Variants in XRCC6 observed in about 807,000 individuals in gnomAD.
The protein encoded by XRCC6 is DNA repair protein Ku70.
Under a neutral mutation model 65.7 loss-of-function variants are expected in XRCC6, and 5 were observed. That is an observed-to-expected ratio of 0.08 (90% CI 0.04 to 0.16). The LOEUF (loss-of-function observed/expected upper bound fraction) is 0.16, where lower values mean the gene tolerates loss of function less well. Among genes scored for constraint, XRCC6 ranks in the 10% least tolerant of loss-of-function variants. XRCC6 has a pLI of 1.00. For synonymous variants in XRCC6, 270 were observed against 270.6 expected, an observed-to-expected ratio of 1.00 and a Z score of 0.02; for missense variants, 447 against 738.1, an observed-to-expected ratio of 0.61 and a Z score of 4.57.
At chr22:41,649,137 AAAATATATATAT>A (rs1266732935) in intron 7 of XRCC6, among the ~76,000 whole-genome samples, 2 of 92,892 alleles carry the variant, frequency 2.2e-5, no homozygotes, top group South Asian at 4.1e-4. Context: ...AAAAAAAAAA[AAAATATATATAT>A]ATATATATAT....
chr22:41,640,697 C>T (rs970583534), intron 6 of XRCC6, among the ~76,000 whole-genome samples: 1 of 152,178 alleles, frequency 6.6e-6, no homozygotes, highest in South Asian at 2.1e-4. Context: ...TGTCATTGTT[C>T]TCCTTTTCCT....
chr22:41,624,953 C>T (rs542044058), intron 2 of XRCC6, among the ~76,000 whole-genome samples: 3 of 152,006 alleles, frequency 2.0e-5, no homozygotes, highest in East Asian at 3.9e-4. Context: ...GCCGAGATTG[C>T]GCCACTGCTC....
intron 2 of XRCC6, among the ~76,000 whole-genome samples, chr22:41,623,580 G>A (rs995334403): frequency 2.0e-5 from 3 of 151,944 alleles, no homozygotes; most frequent in Non-Finnish European, 1.5e-5. Context: ...GTAGAGACGG[G>A]GTTTCACTGT....
intron 1 of XRCC6, chr22:41,621,628 AG>A (rs1261437064): frequency 5.2e-6 from 1 of 192,268 alleles, no homozygotes; most frequent in African/African-American, 2.4e-5. Context: ...GGCGTGATTG[AG>A]GAATTTGGGG....
At chr22:41,627,246 T>G (rs547416957) in intron 2 of XRCC6, among the ~76,000 whole-genome samples, 1 of 152,070 alleles carries the variant, frequency 6.6e-6, no homozygotes, top group South Asian at 2.1e-4. Flanking sequence ...AAATGTAGGT[T>G]TGGGTGATAA....
chr22:41,635,968 C>A, intron 3 of XRCC6, 145 bp from the exon 4 acceptor site: 3 of 615,224 alleles, frequency 4.9e-6, no homozygotes, highest in Non-Finnish European at 7.9e-6. Flanking sequence ...TTCACTGATT[C>A]ATTACCCCTG....
intron 2 of XRCC6, 103 bp downstream of exon 2, chr22:41,622,189 C>T (rs1275671382): frequency 8.5e-7 from 1 of 1,182,132 alleles, no homozygotes; most frequent in Admixed American, 2.1e-5. Flanking sequence ...TGCCCTTCTC[C>T]TCCCAGATAA....
Position 41,656,967 on chromosome 22 carries a change from C to A in XRCC6, c.1356C>A (p.Ile452=). 1 of 1,612,420 alleles carries A rather than the reference C, an allele frequency of 6.2e-7. No individual in the cohort carries two copies. The highest frequency in any genetic ancestry group is 1.1e-5 in the South Asian group (1 of 90,718). The stretch of plus-strand genomic sequence containing the variant: ...GGAAGATGCCCTTTACTGAAAAAAT[C>A]ATGGCAACTCCAGAGCAGGTGGGCA... ...DKRKMPFTEK[I]MATPEQVGKM... is the part of the protein sequence containing the mutation. Residue 452 remains isoleucine, a synonymous_variant, in exon 10 of 13, where the codon ATC becomes ATA. Transcript: ENST00000360079.
At chr22:41,656,817 G>A (rs2068049327) in intron 9 of XRCC6, 86 bp from the exon 10 acceptor site, 3 of 1,590,710 alleles carry the variant, frequency 1.9e-6, no homozygotes, top group Non-Finnish European at 1.7e-6. Context: ...AGCACCACAG[G>A]ACATAAAAGG....
intron 7 of XRCC6, among the ~76,000 whole-genome samples, chr22:41,649,597 G>C (rs2067974641): frequency 6.6e-6 from 1 of 152,060 alleles, no homozygotes; most frequent in Non-Finnish European, 1.5e-5. Flanking sequence ...GCTCACGCCT[G>C]TAATCCCAGC....
chr22:41,628,990 CAATT>C (rs1400138149), intron 3 of XRCC6, among the ~76,000 whole-genome samples: 5 of 62,930 alleles, frequency 7.9e-5, no homozygotes, highest in African/African-American at 2.4e-4. Flanking sequence ...AAAAAAAAAA[CAATT>C]CTCCAAAGAT....
chr22:41,661,716 TC>T, intron 12 of XRCC6: 1 of 384,538 alleles, frequency 2.6e-6, no homozygotes, highest in South Asian at 3.1e-5. Flanking sequence ...TACCATATGA[TC>T]CAGCATACCA....
At chr22:41,649,723 C>T (rs912988189) in intron 7 of XRCC6, among the ~76,000 whole-genome samples, 12 of 151,738 alleles carry the variant, frequency 7.9e-5, no homozygotes, top group African/African-American at 1.7e-4. Context: ...GGTGTGGTGG[C>T]GGGCACCTAT....
intron 2 of XRCC6, among the ~76,000 whole-genome samples, chr22:41,626,089 C>T (rs924239919): frequency 2.6e-5 from 4 of 151,816 alleles, no homozygotes; most frequent in African/African-American, 9.7e-5. Context: ...CCACATGTCT[C>T]GGCCTCTGAA....
rs1180876831 is a variant in XRCC6 at position 41,658,322 on chromosome 22, A to T, written c.1492A>T (p.Met498Leu). Residue 498 changes from methionine (M) to leucine (L), a missense_variant, in exon 11 of 13, where the codon ATG (methionine) becomes TTG (leucine). This residue lies in a region of XRCC6 where 201 missense variants were observed against 374.1 expected (regional missense o/e 0.54). Transcript: ENST00000360079. ...RNLEALALDL[M>L]EPEQAVDLTL... Reference sequence around the variant, plus strand: ...CCTGGAGGCCTTGGCCTTGGATTTGATGGAGCCGGAACAAGCAGTGGACCT... The same window carrying T: ...CCTGGAGGCCTTGGCCTTGGATTTGTTGGAGCCGGAACAAGCAGTGGACCT... 6.8e-6 allele frequency: 11 copies of T among 1,614,104 alleles called. No individual in the cohort carries two copies. The highest frequency in any genetic ancestry group is 9.3e-6 in the Non-Finnish European group (11 of 1,180,020).
At chr22:41,657,118 A>G (rs2068052237) in intron 10 of XRCC6, 86 bp downstream of exon 10, 1 of 1,451,888 alleles carries the variant, frequency 6.9e-7, no homozygotes, top group East Asian at 2.4e-5. Context: ...AGAGAATGGC[A>G]CTACTCTTTT....
At chr22:41,637,317 T>C (rs28384730) in intron 5 of XRCC6, among the ~76,000 whole-genome samples, 1 of 152,112 alleles carries the variant, frequency 6.6e-6, no homozygotes, top group Admixed American at 6.6e-5. Flanking sequence ...ACTCTGGACC[T>C]CAGATGATCC....
Position 41,646,953 on chromosome 22 carries a change from C to G in XRCC6, c.831C>G (p.Val277=). 1 of 1,614,010 alleles carries G rather than the reference C, an allele frequency of 6.2e-7. No individual in the cohort carries two copies. Among genetic ancestry groups the G allele is most frequent in the South Asian group, 1.1e-5 (1 of 91,076 alleles). The part of the protein sequence containing the change: ...IVISVGIYNL[V]QKALKPPPIK... ...TCTCTGTGGGCATTTATAATCTGGT[C>G]CAGAAGGCTCTCAAGCCTCCTCCAA... The change falls in exon 7 of 13, where the codon GTC becomes GTG. Residue 277 remains valine, a synonymous_variant. Coordinates refer to ENST00000360079, the MANE Select transcript of XRCC6 (RefSeq NM_001469.5).
intron 2 of XRCC6, 21 bp from the exon 3 acceptor site, chr22:41,628,094 TTTC>T: frequency 3.9e-6 from 6 of 1,524,174 alleles, no homozygotes; most frequent in Non-Finnish European, 5.4e-6. Context: ...GGACAAACAT[TTTC>T]TTCCATTTTT....
Sources: allele counts gnomAD v4.1 joint callset (sites outside exome capture counted in the v4.1 genomes callset), GRCh38; gene constraint gnomAD v4.1.1; regional missense constraint gnomAD v4.1.1; transcripts MANE v1.5; gene names NCBI Gene and HGNC (gene_info 2026-07-23, HGNC 2026-07-21).